The following TM9SF4 variants were observed in gnomAD, a reference collection of about 807,000 sequenced individuals.
TM9SF4 encodes dinucleotide oxidase disulfide thiol exchanger 3 superfamily member 4.
Under a neutral mutation model 90.4 loss-of-function variants are expected in TM9SF4, and 26 were observed. The observed-to-expected ratio is 0.29, with a 90% confidence interval of 0.21 to 0.40. The LOEUF (loss-of-function observed/expected upper bound fraction) is 0.40. TM9SF4 is among the 10% of genes least tolerant of loss of function. The pLI, the probability that TM9SF4 is intolerant of heterozygous loss-of-function variation, is 1.00. For missense variants in TM9SF4, 549 were observed against 834.8 expected, an observed-to-expected ratio of 0.66 and a Z score of 4.22; for synonymous variants, 293 against 315.4, an observed-to-expected ratio of 0.93 and a Z score of 0.75.
chr20:32,141,991 A>G, intron 5 of TM9SF4, 96 bp downstream of exon 5: 2 of 1,565,286 alleles, frequency 1.3e-6, no homozygotes, highest in Admixed American at 1.8e-5. Context: ...GGCCACAGCA[A>G]GTTTCTCCAG....
chr20:32,110,197 C>T (rs1364028486), intron 1 of TM9SF4, among the ~76,000 whole-genome samples: 1 of 152,084 alleles, frequency 6.6e-6, no homozygotes, highest in Non-Finnish European at 1.5e-5. Context: ...CTCCTCTGAC[C>T]ACCCTCCCAG....
intron 1 of TM9SF4, among the ~76,000 whole-genome samples, chr20:32,128,712 A>G (rs1032068707): frequency 6.6e-6 from 1 of 152,134 alleles, no homozygotes; most frequent in African/African-American, 2.4e-5. Flanking sequence ...TTCACGTAAG[A>G]TAATAGTCTC....
chr20:32,115,806 G>GTTTTTTTTTTTT (rs1243268586), intron 1 of TM9SF4, among the ~76,000 whole-genome samples: 1 of 106,306 alleles, frequency 9.4e-6, no homozygotes, highest in African/African-American at 3.7e-5. Context: ...ACCACTTTAA[G>GTTTTTTTTTTTT]CTTTTTTTTT....
chr20:32,115,784 A>G (rs1303181181), intron 1 of TM9SF4, among the ~76,000 whole-genome samples: 1 of 149,528 alleles, frequency 6.7e-6, no homozygotes, highest in Non-Finnish European at 1.5e-5. Context: ...TATTGTGGTA[A>G]TAACAAAACC....
rs923836625 is a variant in TM9SF4, at chr20:32,121,195, T to C, written c.15+11440T>C. On this transcript the variant is annotated intron_variant, in intron 1 of 17. Coordinates refer to ENST00000398022, the MANE Select transcript of TM9SF4 (RefSeq NM_014742.4). ...CTACATAAACCCGCTGTGCCTCTTT[T>C]TTTTTTTATTTTTCTTTTTTTTTTT... 2.1e-5 allele frequency among the ~76,000 whole-genome samples: 3 copies of C among 140,282 alleles called. No homozygotes were observed. The Admixed American group carries it at 2.2e-4, about 10-fold the overall frequency. 92.0% of individuals were successfully genotyped at this position (140,282 alleles called of 152,430 possible). A position where few individuals can be genotyped will look rare whatever the true frequency, so the allele number is the denominator to read the frequency against.
At chr20:32,143,609 C>A (rs768208647) in intron 6 of TM9SF4, among the ~76,000 whole-genome samples, 16 of 152,224 alleles carry the variant, frequency 1.1e-4, no homozygotes, top group Non-Finnish European at 2.4e-4. Flanking sequence ...CAGCACAGTC[C>A]TGATGGGCCT....
intron 3 of TM9SF4, 137 bp from the exon 4 acceptor site, chr20:32,141,360 A>G: frequency 6.9e-6 from 7 of 1,021,358 alleles, no homozygotes; most frequent in Non-Finnish European, 1.0e-5. Context: ...TGGGAAGGGC[A>G]TTGGCTGCCA....
At chr20:32,151,508 C>T (rs2046840616) in intron 12 of TM9SF4, among the ~76,000 whole-genome samples, 1 of 152,262 alleles carries the variant, frequency 6.6e-6, no homozygotes. Flanking sequence ...TCTCTGGGCC[C>T]AGGATTCTGA....
intron 8 of TM9SF4, 85 bp from the exon 9 acceptor site, chr20:32,146,700 G>C: frequency 7.1e-7 from 1 of 1,400,512 alleles, no homozygotes; most frequent in Non-Finnish European, 1.0e-6. Flanking sequence ...CTGTCGCACA[G>C]TAAAACATCA....
At chr20:32,126,858 C>T (rs898067882) in intron 1 of TM9SF4, among the ~76,000 whole-genome samples, 2 of 152,178 alleles carry the variant, frequency 1.3e-5, no homozygotes, top group African/African-American at 4.8e-5. Context: ...GCCTCAGCCT[C>T]CCAGGTGGCT....
At chr20:32,157,736 G>A (rs958406497) in intron 13 of TM9SF4, 58 bp from the exon 14 acceptor site, 44 of 1,592,190 alleles carry the variant, frequency 2.8e-5, no homozygotes, top group Admixed American at 1.5e-4. Flanking sequence ...TCCCCCTTGC[G>A]CAGCCCCCAT....
intron 1 of TM9SF4, among the ~76,000 whole-genome samples, chr20:32,117,538 G>A (rs1013845656): frequency 6.6e-6 from 1 of 152,188 alleles, no homozygotes; most frequent in Non-Finnish European, 1.5e-5. Flanking sequence ...CAAACTGGGT[G>A]GGGTGAATTT....
chr20:32,121,988 C>T (rs544640969), intron 1 of TM9SF4, among the ~76,000 whole-genome samples: 46 of 143,992 alleles, frequency 3.2e-4, no homozygotes, highest in African/African-American at 1.0e-3. Flanking sequence ...GGCTGACCCC[C>T]CCACCTCCCT....
rs1432641316 is a variant in TM9SF4, at chr20:32,163,255, AAAAAAAAAAAAAAATATAT to A, written c.1779+1892_1779+1910del. Among the ~76,000 whole-genome samples the A allele has an allele frequency of 1.3e-4, 10 of 79,564 alleles. 1 individual carries two copies. Among genetic ancestry groups the A allele is most frequent in the African/African-American group, 5.9e-4 (10 of 16,890 alleles). 52.2% of individuals were successfully genotyped at this position (79,564 alleles called of 152,430 possible). A position where few individuals can be genotyped will look rare whatever the true frequency, so the allele number is the denominator to read the frequency against. On this transcript the variant is annotated intron_variant, in intron 17 of 17. Coordinates refer to ENST00000398022, the MANE Select transcript of TM9SF4 (RefSeq NM_014742.4). ...AGCAAGACTCCATCTCAAAAAAAAAAAAAAAAAAAAAAAATATATATATATATATATATATATATATGTA... is the reference window on the plus strand; with the variant it reads ...AGCAAGACTCCATCTCAAAAAAAAAAATATATATATATATATATATATGTA...
intron 2 of TM9SF4, among the ~76,000 whole-genome samples, chr20:32,134,643 C>G (rs2046568982): frequency 6.6e-6 from 1 of 151,922 alleles, no homozygotes; most frequent in African/African-American, 2.4e-5. Context: ...TACCACATTG[C>G]CTTCTAAAAT....
chr20:32,145,452 G>C, intron 8 of TM9SF4, 29 bp downstream of exon 8: 1 of 1,600,270 alleles, frequency 6.2e-7, no homozygotes, highest in South Asian at 1.1e-5. Context: ...GAGGGAAAGG[G>C]GATGGGGGTT....
intron 3 of TM9SF4, among the ~76,000 whole-genome samples, chr20:32,137,828 G>A (rs532503238): frequency 6.6e-6 from 1 of 152,248 alleles, no homozygotes; most frequent in South Asian, 2.1e-4. Flanking sequence ...CTCTAACTTA[G>A]TAATTCTCAC....
chr20:32,122,610 T>G (rs1460208636), intron 1 of TM9SF4, among the ~76,000 whole-genome samples: 2 of 141,526 alleles, frequency 1.4e-5, no homozygotes, highest in Non-Finnish European at 3.1e-5. Context: ...CTAGATGTGA[T>G]GGCGTCCGGG....
chr20:32,145,133 G>C lies in TM9SF4; in HGVS notation c.695G>C (p.Gly232Ala), dbSNP rs763573455. ...DEKSSCTLPE[G>A]TNSSPQEIDP... Reference sequence around the variant, plus strand: ...AAGAGTTCGTGCACTCTGCCTGAGGGTACCAACTCCTCGCCCCAAGAAATT... The same window carrying C: ...AAGAGTTCGTGCACTCTGCCTGAGGCTACCAACTCCTCGCCCCAAGAAATT... Residue 232 changes from glycine (G) to alanine (A), a missense_variant, in exon 7 of 18, where the codon GGT becomes GCT. Gly to Ala is a moderately conservative substitution (Grantham distance 60, BLOSUM62 0). This residue lies in a region of TM9SF4 where 495 missense variants were observed against 711.7 expected (regional missense o/e 0.70). Transcript: ENST00000398022. The C allele has an allele frequency of 2.5e-6, 4 of 1,614,130 alleles. No individual in the cohort carries two copies. In the Admixed American group the frequency reaches 6.7e-5, roughly 27 times the overall value.
Sources: allele counts gnomAD v4.1 joint callset (sites outside exome capture counted in the v4.1 genomes callset), GRCh38; gene constraint gnomAD v4.1.1; regional missense constraint gnomAD v4.1.1; transcripts MANE v1.5; gene names NCBI Gene and HGNC (gene_info 2026-07-23, HGNC 2026-07-21).